RBM20: variants seen among roughly 807,000 people sequenced by gnomAD.
The protein encoded by RBM20 is RNA binding motif protein 20, also known as RNA-binding protein 20.
Under a neutral mutation model 110.1 loss-of-function variants are expected in RBM20, and 51 were observed. That is an observed-to-expected ratio of 0.46 (90% confidence interval 0.37 to 0.59). The LOEUF (loss-of-function observed/expected upper bound fraction) is 0.59. Ranked by LOEUF, RBM20 falls within the 20% of genes least tolerant of loss-of-function variation. RBM20 has a pLI of 0.00. For synonymous variants in RBM20, 589 were observed against 618.2 expected (o/e 0.95, Z 0.70); for missense variants, 1,512 against 1,574.9 (o/e 0.96, Z 0.68).
At chr10:110,702,084 C>A (rs1862766988) in intron 1 of RBM20, among the ~76,000 whole-genome samples, 1 of 151,952 alleles carries the variant, frequency 6.6e-6, no homozygotes, top group Non-Finnish European at 1.5e-5. Flanking sequence ...TCCTCACCTT[C>A]CCTCTGAAAT....
chr10:110,737,313 G>T (rs4918580), intron 1 of RBM20, among the ~76,000 whole-genome samples: 23,652 of 151,774 alleles, frequency 0.16, 2,731 homozygotes, highest in African/African-American at 0.33. Context: ...CACCAAATCT[G>T]CTGGTGCCTT....
At chr10:110,751,790 AT>A (rs1358271976) in intron 1 of RBM20, among the ~76,000 whole-genome samples, 8 of 152,188 alleles carry the variant, frequency 5.3e-5, no homozygotes, top group Non-Finnish European at 1.0e-4. Flanking sequence ...TAAAATAGAA[AT>A]TAAAAAAAAC....
chr10:110,835,821 T>C, intron 13 of RBM20, 47 bp from the exon 14 acceptor site: 1 of 1,538,820 alleles, frequency 6.5e-7, no homozygotes, highest in South Asian at 1.2e-5. Context: ...TCCATCTAGG[T>C]CCCTACTAAC....
intron 1 of RBM20, among the ~76,000 whole-genome samples, chr10:110,713,514 C>G (rs1325190541): frequency 6.6e-6 from 1 of 152,172 alleles, no homozygotes; most frequent in Admixed American, 6.5e-5. Flanking sequence ...CCTTATGACA[C>G]TTTGCACGCT....
chr10:110,800,316 C>T (rs1307604859), intron 7 of RBM20, among the ~76,000 whole-genome samples: 1 of 152,228 alleles, frequency 6.6e-6, no homozygotes, highest in Non-Finnish European at 1.5e-5. Context: ...TTGTTCTCTT[C>T]TCTCTCCTTC....
chr10:110,644,557 C>T lies in RBM20; in HGVS notation c.103C>T (p.Pro35Ser), dbSNP rs775667733. The T allele has an allele frequency of 6.6e-7, 1 of 1,526,598 alleles. No individual in the cohort carries two copies. The highest frequency in any genetic ancestry group is 1.2e-5 in the South Asian group (1 of 82,316). 94.6% of individuals were successfully genotyped at this position (1,526,598 alleles called of 1,614,324 possible). A position where few individuals can be genotyped will look rare whatever the true frequency, so the allele number is the denominator to read the frequency against. Reference protein sequence around the residue: ...SVPGARASPAPSGPRGMQQPP... With the variant: ...SVPGARASPASSGPRGMQQPP... ...GCCTGGTGCCCGGGCGTCCCCGGCA[C>T]CCTCCGGCCCGCGAGGGATGCAGCA... is the stretch of plus-strand genomic sequence containing the variant. The change falls in exon 1 of 14, where the codon CCC becomes TCC. Residue 35 changes from proline to serine, a missense_variant. Around this residue, in one of 3 missense-constraint regions of RBM20, gnomAD observed 1,149 missense variants for 1,169.4 expected, o/e 0.98. Transcript: ENST00000369519. The surrounding 1 kb of genome is among the most constrained non-coding windows in gnomAD (Gnocchi z 4.3).
At chr10:110,709,213 C>T (rs1020877653) in intron 1 of RBM20, among the ~76,000 whole-genome samples, 5 of 152,068 alleles carry the variant, frequency 3.3e-5, no homozygotes, top group Admixed American at 2.0e-4. Flanking sequence ...ATCTCAGCCC[C>T]GCTGTACAAT....
chr10:110,748,243 G>C (rs1458386652), intron 1 of RBM20, among the ~76,000 whole-genome samples: 1 of 152,142 alleles, frequency 6.6e-6, no homozygotes, highest in Non-Finnish European at 1.5e-5. Context: ...AAAAGAATGT[G>C]GGAACATTTT....
intron 1 of RBM20, among the ~76,000 whole-genome samples, chr10:110,733,640 T>C (rs1179523385): frequency 6.6e-6 from 1 of 152,230 alleles, no homozygotes; most frequent in African/African-American, 2.4e-5. Context: ...CCTGGCATTT[T>C]TGTTTAGCTG....
chr10:110,656,153 T>A (rs1182564617), intron 1 of RBM20, among the ~76,000 whole-genome samples: 3 of 151,934 alleles, frequency 2.0e-5, no homozygotes, highest in African/African-American at 7.3e-5. Flanking sequence ...ATACAAAAAA[T>A]TTGCCGGGCG....
intron 7 of RBM20, among the ~76,000 whole-genome samples, chr10:110,805,999 G>A (rs1564852249): frequency 6.6e-6 from 1 of 152,200 alleles, no homozygotes; most frequent in Non-Finnish European, 1.5e-5. Context: ...AGGCCAGGCC[G>A]TGGTGGCTCA....
At position 110,836,027 on chromosome 10, in the gene RBM20, A is replaced by G; in HGVS notation, c.*49A>G. ...CTGCTGCTGCAAGGTTGGAAAGGAGAGCTTGCTGAAGTGGGGCCTTCCTGA... is the reference window on the plus strand; with the variant it reads ...CTGCTGCTGCAAGGTTGGAAAGGAGGGCTTGCTGAAGTGGGGCCTTCCTGA... On this transcript the variant is annotated 3_prime_UTR_variant, in exon 14 of 14. Transcript: ENST00000369519. 1 of 764,408 alleles carries G rather than the reference A, an allele frequency of 1.3e-6. No individual in the cohort carries two copies. Among genetic ancestry groups the G allele is most frequent in the African/African-American group, 1.8e-5 (1 of 56,868 alleles). 47.4% of individuals were successfully genotyped at this position (764,408 alleles called of 1,614,324 possible).
chr10:110,726,052 T>G (rs552583190), intron 1 of RBM20, among the ~76,000 whole-genome samples: 1 of 151,136 alleles, frequency 6.6e-6, no homozygotes, highest in African/African-American at 2.4e-5. Context: ...GCTTTACCTC[T>G]CCCTCTCTCT....
intron 5 of RBM20, among the ~76,000 whole-genome samples, chr10:110,793,213 G>A (rs1485728928): frequency 1.3e-5 from 2 of 152,142 alleles, no homozygotes; most frequent in East Asian, 3.8e-4. Context: ...TTGAACCCAG[G>A]CCCTCTGTCT....
chr10:110,723,791 T>A lies in RBM20; in HGVS notation c.192-57010T>A, dbSNP rs538839236. 5.9e-5 allele frequency among the ~76,000 whole-genome samples: 9 copies of A among 152,302 alleles called. No individual in the cohort carries two copies. The East Asian group carries it at 1.7e-3, about 29-fold the overall frequency. On this transcript the variant is annotated intron_variant, in intron 1 of 13. Coordinates refer to ENST00000369519, the MANE Select transcript of RBM20 (RefSeq NM_001134363.3). ...GGGTTATGGGTCTTTATTGTTGAGGTTTTTTAACCCTGTTGTACAGATGAG... is the reference window on the plus strand; with the variant it reads ...GGGTTATGGGTCTTTATTGTTGAGGATTTTTAACCCTGTTGTACAGATGAG...
At chr10:110,794,459 T>C (rs895440299) in intron 5 of RBM20, among the ~76,000 whole-genome samples, 1 of 152,246 alleles carries the variant, frequency 6.6e-6, no homozygotes, top group Non-Finnish European at 1.5e-5. Flanking sequence ...AAGATTTTCA[T>C]TTCATGGCTC....
chr10:110,826,070 T>C (rs1280404219), intron 12 of RBM20, among the ~76,000 whole-genome samples: 2 of 152,172 alleles, frequency 1.3e-5, no homozygotes, highest in African/African-American at 4.8e-5. Flanking sequence ...GTGGTATGTA[T>C]TTGCATTTTA....
chr10:110,780,100 C>T (rs888334720), intron 1 of RBM20, among the ~76,000 whole-genome samples: 4 of 151,958 alleles, frequency 2.6e-5, no homozygotes, highest in African/African-American at 9.7e-5. Flanking sequence ...GGAGATTTAT[C>T]GTATTGGAAT....
In RBM20 at chr10:110,653,834, G is replaced by T. The variant is rs1188056388; in HGVS notation, c.191+9189G>T. 2.0e-5 allele frequency among the ~76,000 whole-genome samples: 3 copies of T among 152,300 alleles called. No homozygotes were observed. The East Asian group carries it at 5.8e-4, about 29-fold the overall frequency. On this transcript the variant is annotated intron_variant, in intron 1 of 13. Coordinates refer to ENST00000369519, the MANE Select transcript of RBM20 (RefSeq NM_001134363.3). ...GCCTCCCAAAGTGCTGGGATTACAGGCATGAGCCACTGCACCAGCCATTTC... is the reference window on the plus strand; with the variant it reads ...GCCTCCCAAAGTGCTGGGATTACAGTCATGAGCCACTGCACCAGCCATTTC...
Sources: allele counts gnomAD v4.1 joint callset (sites outside exome capture counted in the v4.1 genomes callset), GRCh38; gene constraint gnomAD v4.1.1; regional missense constraint gnomAD v4.1.1; non-coding constraint Gnocchi (gnomAD v3.1); transcripts MANE v1.5; gene names NCBI Gene and HGNC (gene_info 2026-07-23, HGNC 2026-07-21).